PGAP4: variants seen among roughly 807,000 people sequenced by gnomAD.
PGAP4 encodes the protein GPI-N-acetylgalactosamine transferase PGAP4.
In PGAP4, 12 loss-of-function variants were observed where a neutral mutation model predicts 28.2. The ratio of observed to expected loss-of-function variants is 0.42; its 90% CI spans 0.27 to 0.69. The LOEUF is 0.69. Ranked by LOEUF, PGAP4 falls within the 30% of genes least tolerant of loss-of-function variation. The pLI, the probability that PGAP4 is intolerant of heterozygous loss-of-function variation, is 0.22. For missense variants in PGAP4, 425 were observed against 513.5 expected, an observed-to-expected ratio of 0.83 and a Z score of 1.67; for synonymous variants, 205 against 211.8, an observed-to-expected ratio of 0.97 and a Z score of 0.28.
chr9:101,527,112 A>G (rs547654063), intron 2 of PGAP4, among the ~76,000 whole-genome samples: 1 of 152,354 alleles, frequency 6.6e-6, no homozygotes, highest in African/African-American at 2.4e-5. Context: ...GTGAGAAGAG[A>G]GAGTCGGCTG....
At chr9:101,495,661 A>G (rs920310451) in intron 2 of PGAP4, among the ~76,000 whole-genome samples, 1 of 150,078 alleles carries the variant, frequency 6.7e-6, no homozygotes, top group Non-Finnish European at 1.5e-5. Flanking sequence ...GTGATAACCA[A>G]AAGACTTAAA....
At position 101,477,117 on chromosome 9, in the gene PGAP4, G is replaced by C; in HGVS notation, c.-25C>G. 1 of 1,527,594 alleles carries C rather than the reference G, an allele frequency of 6.5e-7. No individual in the cohort carries two copies. The highest frequency in any genetic ancestry group is 8.8e-7 in the Non-Finnish European group (1 of 1,141,116). The allele number at this position is 1,527,594 out of a possible 1,614,324, so 94.6% of individuals were successfully genotyped here. ...TGAGGTCAACTTTTGTTCATGTCTGGTCCCAAGAAAAAACCATCCTGGAAC... is the reference window on the plus strand; with the variant it reads ...TGAGGTCAACTTTTGTTCATGTCTGCTCCCAAGAAAAAACCATCCTGGAAC... On this transcript the variant is annotated 5_prime_UTR_variant, in exon 2 of 2. Coordinates refer to ENST00000374848, the MANE Select transcript of PGAP4 (RefSeq NM_032342.3).
chr9:101,505,245 T>C (rs986178528), intron 2 of PGAP4, among the ~76,000 whole-genome samples: 4 of 152,000 alleles, frequency 2.6e-5, no homozygotes, highest in Non-Finnish European at 5.9e-5. Context: ...AATTCAGAAT[T>C]ACAATAGCCA....
rs183684686 is a variant in PGAP4, at chr9:101,506,647, C to T, written c.-164-17447G>A. ...GTCTACAAAATGCCCCTGACTTAAC[C>T]GAGAAACTCAGTGGCATATTGGCCA... On this transcript the variant is annotated intron_variant, in intron 2 of 3. Transcript: ENST00000374851. 2.2e-3 allele frequency among the ~76,000 whole-genome samples: 328 copies of T among 152,092 alleles called. 1 individual carries two copies. Among genetic ancestry groups the T allele is most frequent in the Non-Finnish European group, 2.0e-3 (139 of 67,972 alleles).
chr9:101,494,951 G>C (rs1173739177), intron 2 of PGAP4, among the ~76,000 whole-genome samples: 1 of 149,318 alleles, frequency 6.7e-6, no homozygotes, highest in Non-Finnish European at 1.5e-5. Flanking sequence ...TGTAACTTTA[G>C]AAAAGATTAA....
intron 2 of PGAP4, among the ~76,000 whole-genome samples, chr9:101,521,595 T>C (rs1287477602): frequency 6.6e-6 from 1 of 152,196 alleles, no homozygotes; most frequent in African/African-American, 2.4e-5. Flanking sequence ...ATTTGGATCT[T>C]CTCTTCATTT....
chr9:101,487,097 A>T lies in PGAP4; in HGVS notation c.-226T>A, dbSNP rs1306715121. 1 of 151,890 alleles carries T rather than the reference A, an allele frequency of 6.6e-6. No homozygotes were observed. Among genetic ancestry groups the T allele is most frequent in the Non-Finnish European group, 1.5e-5 (1 of 67,994 alleles). 9.4% of individuals were successfully genotyped at this position (151,890 alleles called of 1,614,324 possible). ...CGGTTTGGGTGTGCGCCGGAGCCTC[A>T]CCTCCTCCCGCCTCGCAGCTCAGGC... On this transcript the variant is annotated 5_prime_UTR_variant, in exon 1 of 2. It removes the in-frame stop codon of an upstream open reading frame in the 5' UTR. Coordinates refer to ENST00000374848, the MANE Select transcript of PGAP4 (RefSeq NM_032342.3).
chr9:101,521,054 C>G (rs1826985140), intron 2 of PGAP4, among the ~76,000 whole-genome samples: 1 of 152,124 alleles, frequency 6.6e-6, no homozygotes, highest in Non-Finnish European at 1.5e-5. Flanking sequence ...ATCCCTGCAT[C>G]CCTGGTATGA....
chr9:101,502,594 A>T (rs990255957), intron 2 of PGAP4, among the ~76,000 whole-genome samples: 10 of 152,058 alleles, frequency 6.6e-5, no homozygotes, highest in Non-Finnish European at 1.0e-4. Context: ...GGGGTAGAGG[A>T]TTAGGAAAAC....
chr9:101,506,742 C>T (rs537837805), intron 2 of PGAP4, among the ~76,000 whole-genome samples: 1 of 152,150 alleles, frequency 6.6e-6, no homozygotes, highest in Non-Finnish European at 1.5e-5. Flanking sequence ...CCCACTAAGC[C>T]TCTTCCCAAA....
At chr9:101,483,181 T>C (rs1178748476) in intron 1 of PGAP4, among the ~76,000 whole-genome samples, 3 of 152,206 alleles carry the variant, frequency 2.0e-5, no homozygotes, top group African/African-American at 7.2e-5. Context: ...CACAGAACTA[T>C]GCATAGAAGA....
intron 2 of PGAP4, among the ~76,000 whole-genome samples, chr9:101,524,429 C>T (rs894301723): frequency 8.5e-5 from 13 of 152,268 alleles, no homozygotes; most frequent in East Asian, 3.9e-4. Context: ...AAAAGGGCTT[C>T]GTTCCTTCTC....
chr9:101,529,570 A>C (rs1402017734), intron 2 of PGAP4, among the ~76,000 whole-genome samples: 1 of 152,196 alleles, frequency 6.6e-6, no homozygotes, highest in South Asian at 2.1e-4. Flanking sequence ...CTCACTCTTT[A>C]AAAAAGGCAG....
chr9:101,478,414 G>C (rs1324366267), intron 1 of PGAP4, among the ~76,000 whole-genome samples: 1 of 152,196 alleles, frequency 6.6e-6, no homozygotes, highest in Non-Finnish European at 1.5e-5. Flanking sequence ...CACACATTTG[G>C]AGGAAAACTG....
At chr9:101,487,530 A>G (rs564631500), upstream of PGAP4, among the ~76,000 whole-genome samples, 1 of 152,340 alleles carries the variant, frequency 6.6e-6, no homozygotes, top group African/African-American at 2.4e-5. Flanking sequence ...CCGGCAAAGC[A>G]AATAGGAAAA....
intron 2 of PGAP4, among the ~76,000 whole-genome samples, chr9:101,524,679 T>C (rs1288527057): frequency 6.6e-6 from 1 of 152,210 alleles, no homozygotes; most frequent in East Asian, 1.9e-4. Flanking sequence ...TGTATTTCAC[T>C]TGGCTAACTT....
In PGAP4 at chr9:101,475,971, T is replaced by C. The variant is rs1807175448; in HGVS notation, c.1122A>G (p.Gly374=). Residue 374 remains glycine (G), a synonymous_variant, in exon 2 of 2, where the codon GGA becomes GGG. Transcript: ENST00000374848. ...MALYSLLRAK[G]ERAYVVEPNL... is the part of the protein sequence containing the mutation. ...TCGGCTCCACTACATAGGCCCTCTC[T>C]CCCTTGGCCCTCAACAGCGAGTACA... 6.2e-7 allele frequency: 1 copy of C among 1,614,158 alleles called. No homozygotes were observed. The highest frequency in any genetic ancestry group is 8.5e-7 in the Non-Finnish European group (1 of 1,180,036).
chr9:101,484,859 G>A (rs1379674739), intron 1 of PGAP4, among the ~76,000 whole-genome samples: 1 of 152,136 alleles, frequency 6.6e-6, no homozygotes, highest in Non-Finnish European at 1.5e-5. Context: ...AATGTACAGA[G>A]ATATGACCAT....
At chr9:101,511,253 C>T (rs1012629182) in intron 2 of PGAP4, among the ~76,000 whole-genome samples, 1 of 152,130 alleles carries the variant, frequency 6.6e-6, no homozygotes. Context: ...ACTTGCTCAC[C>T]TGCCACTCAC....
Sources: allele counts gnomAD v4.1 joint callset (sites outside exome capture counted in the v4.1 genomes callset), GRCh38; gene constraint gnomAD v4.1.1; transcripts MANE v1.5; gene names NCBI Gene and HGNC (gene_info 2026-07-23, HGNC 2026-07-21).